Variants in LAMA3 observed in about 807,000 individuals in gnomAD.
LAMA3 encodes the protein laminin subunit alpha-3.
Under a neutral mutation model 402.0 loss-of-function variants are expected in LAMA3, and 281 were observed. The observed-to-expected ratio is 0.70, with a 90% CI of 0.63 to 0.77. The LOEUF (loss-of-function observed/expected upper bound fraction) is 0.77. Among genes scored for constraint, LAMA3 ranks in the 30% least tolerant of loss-of-function variants. The probability of loss-of-function intolerance (pLI) is 0.00; values close to 1 mark genes in which losing one functional copy is unlikely to be tolerated. For missense variants in LAMA3, 3,840 were observed against 4,215.5 expected (o/e 0.91, Z 2.47); for synonymous variants, 1,431 against 1,558.4 (o/e 0.92, Z 1.93).
At chr18:23,907,120 A>C (rs2081276113) in intron 52 of LAMA3, among the ~76,000 whole-genome samples, 1 of 152,224 alleles carries the variant, frequency 6.6e-6, no homozygotes, top group Non-Finnish European at 1.5e-5. Flanking sequence ...CTACATTATT[A>C]ATTCATTCAT....
chr18:23,814,654 A>G, intron 15 of LAMA3, 152 bp downstream of exon 15: 2 of 640,432 alleles, frequency 3.1e-6, no homozygotes, highest in East Asian at 2.8e-5. Flanking sequence ...CCCACTTTTG[A>G]CAGAATTTCT....
chr18:23,950,528 C>A (rs2082871235), intron 72 of LAMA3, among the ~76,000 whole-genome samples: 1 of 152,168 alleles, frequency 6.6e-6, no homozygotes, highest in Non-Finnish European at 1.5e-5. Flanking sequence ...CTTACAGATT[C>A]TTTCTTCATC....
chr18:23,845,758 A>G (rs1233058489), intron 30 of LAMA3, among the ~76,000 whole-genome samples: 1 of 152,208 alleles, frequency 6.6e-6, no homozygotes, highest in African/African-American at 2.4e-5. Flanking sequence ...AATGCTGCTC[A>G]GCCACTCCAT....
At chr18:23,814,633 G>A (rs1264559542) in intron 15 of LAMA3, 131 bp downstream of exon 15, 1 of 676,090 alleles carries the variant, frequency 1.5e-6, no homozygotes, top group Non-Finnish European at 2.6e-6. Flanking sequence ...GTAATGTTCT[G>A]ATGTTTTCCC....
intron 21 of LAMA3, 111 bp downstream of exon 21, chr18:23,824,676 GT>G: frequency 8.0e-7 from 1 of 1,250,024 alleles, no homozygotes; most frequent in South Asian, 1.2e-5. Context: ...ATCATTGGTG[GT>G]TTTAGACACA....
At position 23,908,339 on chromosome 18, in the gene LAMA3, G is replaced by A. The variant is rs540135885; in HGVS notation, c.7015+404G>A. Among the ~76,000 whole-genome samples the A allele has an allele frequency of 2.0e-5, 3 of 151,968 alleles. No individual in the cohort carries two copies. In the South Asian group the frequency reaches 6.3e-4, roughly 32 times the overall value. ...AGGTCAGGAGATCGAGACCATCCTG[G>A]CTAACATGGTGAAATCCTGTCTCTA... On this transcript the variant is annotated intron_variant, in intron 54 of 74. Coordinates refer to ENST00000313654, the MANE Select transcript of LAMA3 (RefSeq NM_198129.4).
chr18:23,748,001 G>A lies in LAMA3; in HGVS notation c.506G>A (p.Trp169Ter). Residue 169 changes from tryptophan to a stop codon, truncating the protein, a stop_gained, in exon 3 of 75, where the codon TGG becomes TAG. Transcript: ENST00000313654. LOFTEE classifies it high-confidence loss of function. ...GCAAATTCTCCTCGCCCTGATCTTT[G>A]GGTCTTGGAAAGATCTGTAGACTTT... The part of the protein sequence containing the change: ...KFANSPRPDL[W>*]VLERSVDFGS... 6.2e-7 allele frequency: 1 copy of A among 1,613,646 alleles called. No individual in the cohort carries two copies. The highest frequency in any genetic ancestry group is 8.5e-7 in the Non-Finnish European group (1 of 1,179,660).
In LAMA3 at chr18:23,941,325, C is replaced by A. The variant is rs1599156914; in HGVS notation, c.9026+1939C>A. 1.1e-4 allele frequency among the ~76,000 whole-genome samples: 3 copies of A among 27,100 alleles called. No individual in the cohort carries two copies. The Admixed American group carries it at 1.8e-3, about 16-fold the overall frequency. 17.8% of individuals were successfully genotyped at this position (27,100 alleles called of 152,430 possible). On this transcript the variant is annotated intron_variant, in intron 68 of 74. Transcript: ENST00000313654. The stretch of plus-strand genomic sequence containing the variant: ...CCTTGTGGCCTCTCCATCAGCTTGG[C>A]GCCCCCCCCCCGCCCGGCAGCTTCT...
chr18:23,790,148 A>G (rs1016823165), intron 12 of LAMA3, among the ~76,000 whole-genome samples: 1 of 152,208 alleles, frequency 6.6e-6, no homozygotes, highest in Non-Finnish European at 1.5e-5. Flanking sequence ...CAGGAATTCT[A>G]TTGTATTCTT....
chr18:23,882,001 C>G lies in LAMA3; in HGVS notation c.5178C>G (p.Ala1726=), dbSNP rs143755166. ...GCCAGGAGGGCTACTATGGCAACGC[C>G]GTCCACGGATCCTGCAGGGCCTGCC... ...ERCQEGYYGN[A]VHGSCRACPC... is the part of the protein sequence containing the mutation. Residue 1726 remains alanine, a synonymous_variant, in exon 40 of 75, where the codon GCC becomes GCG. Coordinates refer to ENST00000313654, the MANE Select transcript of LAMA3 (RefSeq NM_198129.4). 1 of 1,614,008 alleles carries G rather than the reference C, an allele frequency of 6.2e-7. No homozygotes were observed. The highest frequency in any genetic ancestry group is 1.1e-5 in the South Asian group (1 of 91,054).
chr18:23,800,478 T>TG (rs1210193527), intron 12 of LAMA3, among the ~76,000 whole-genome samples: 1 of 152,206 alleles, frequency 6.6e-6, no homozygotes, highest in Non-Finnish European at 1.5e-5. Flanking sequence ...CAGTGTGTAA[T>TG]GATCAAGTCA....
intron 39 of LAMA3, among the ~76,000 whole-genome samples, chr18:23,878,865 G>T (rs368780335): frequency 6.6e-6 from 1 of 152,118 alleles, no homozygotes; most frequent in South Asian, 2.1e-4. Flanking sequence ...CAGGAGTAGC[G>T]GGTAATGTGG....
chr18:23,927,262 C>A (rs764674865), intron 62 of LAMA3, among the ~76,000 whole-genome samples: 1 of 152,130 alleles, frequency 6.6e-6, no homozygotes, highest in Non-Finnish European at 1.5e-5. Context: ...CTCCGCCTCC[C>A]GGGTTCAGAT....
rs1391065086 is a variant in LAMA3 at position 23,920,821 on chromosome 18, G to A, written c.7924-114G>A. The A allele has an allele frequency of 5.5e-6, 7 of 1,275,572 alleles. No individual in the cohort carries two copies. The East Asian group carries it at 1.6e-4, about 30-fold the overall frequency. The allele number at this position is 1,275,572 out of a possible 1,614,324, so 79.0% of individuals were successfully genotyped here. On this transcript the variant is annotated intron_variant, in intron 60 of 74. Coordinates refer to ENST00000313654, the MANE Select transcript of LAMA3 (RefSeq NM_198129.4). ...TGCAGCACCATTATCCCTTTTCACT[G>A]AGGCAGCAGCTGAAGCTGAGAGCAG...
At chr18:23,751,605 A>T (rs1349208941) in intron 5 of LAMA3, among the ~76,000 whole-genome samples, 1 of 152,214 alleles carries the variant, frequency 6.6e-6, no homozygotes, top group Non-Finnish European at 1.5e-5. Flanking sequence ...GCTTCTCATC[A>T]GAGGTTACTT....
chr18:23,715,147 G>A (rs2061073457), intron 2 of LAMA3, among the ~76,000 whole-genome samples: 1 of 152,080 alleles, frequency 6.6e-6, no homozygotes, highest in Non-Finnish European at 1.5e-5. Flanking sequence ...GTATGTTTTT[G>A]GAGAGAGGGT....
intron 12 of LAMA3, among the ~76,000 whole-genome samples, chr18:23,787,878 A>T (rs977172472): frequency 6.6e-6 from 1 of 152,206 alleles, no homozygotes; most frequent in Non-Finnish European, 1.5e-5. Context: ...TTTGAATAAC[A>T]TGTAAAAATT....
In LAMA3 at chr18:23,748,795, G is replaced by T. The variant is rs62093353; in HGVS notation, c.566-633G>T. On this transcript the variant is annotated intron_variant, in intron 3 of 74. Transcript: ENST00000313654. ...GGGTGACAGAGTGAGACTCCATCTT[G>T]GAAAAAAAAAAAAAAAGAATATCCC... Among the ~76,000 whole-genome samples the T allele has an allele frequency of 1.4e-3, 199 of 147,380 alleles. 1 individual carries two copies. The highest frequency in any genetic ancestry group is 4.9e-3 in the African/African-American group (194 of 39,798).
Position 23,933,837 on chromosome 18 carries a change from G to A in LAMA3, c.8764G>A (p.Val2922Met). 1.2e-6 allele frequency: 2 copies of A among 1,614,026 alleles called. No individual in the cohort carries two copies. The highest frequency in any genetic ancestry group is 2.2e-5 in the South Asian group (2 of 91,082). ...GACCAGTAACTCTCTCAAGAGAGAT[G>A]TGTCCCTGGGAGGCTGCAGTTTAAA... ...DLTSNSLKRD[V>M]SLGGCSLNKP... The change falls in exon 67 of 75, where the codon GTG (valine) becomes ATG (methionine). Residue 2922 changes from valine to methionine, a missense_variant. Transcript: ENST00000313654.
Sources: gnomAD v4.1 joint callset for allele counts (sites outside exome capture counted in the v4.1 genomes callset) on GRCh38, gnomAD v4.1.1 for gene constraint, MANE v1.5 for transcripts, NCBI Gene and HGNC (gene_info 2026-07-23, HGNC 2026-07-21) for gene names.